The following SPTLC3 variants were observed in gnomAD, a reference collection of about 807,000 sequenced individuals.
SPTLC3 encodes serine palmitoyltransferase long chain base subunit 3.
SPTLC3 carries 36 observed loss-of-function variants against 59.3 expected under a neutral mutation model. The ratio of observed to expected loss-of-function variants is 0.61; its 90% CI spans 0.47 to 0.80. SPTLC3 has a LOEUF of 0.80. Ranked by LOEUF, SPTLC3 falls within the 30% of genes least tolerant of loss-of-function variation. The pLI, the probability that SPTLC3 is intolerant of heterozygous loss-of-function variation, is 0.00. For synonymous variants in SPTLC3, 257 were observed against 240.8 expected, an observed-to-expected ratio of 1.07 and a Z score of -0.62; for missense variants, 625 against 685.1, an observed-to-expected ratio of 0.91 and a Z score of 0.98.
chr20:13,165,052 A>G lies in SPTLC3; in HGVS notation c.*185A>G, dbSNP rs1232996528. 1 of 543,978 alleles carries G rather than the reference A, an allele frequency of 1.8e-6. No individual in the cohort carries two copies. The highest frequency in any genetic ancestry group is 1.9e-5 in the African/African-American group (1 of 52,728). 33.7% of individuals were successfully genotyped at this position (543,978 alleles called of 1,614,324 possible). A position where few individuals can be genotyped will look rare whatever the true frequency, so the allele number is the denominator to read the frequency against. ...CAGCTTGGACTGCAGAGACAAAAAC[A>G]TGATTCCAGATTTAAGTCTCTCTTC... is the stretch of plus-strand genomic sequence containing the variant. On this transcript the variant is annotated 3_prime_UTR_variant, in exon 12 of 12. Coordinates refer to ENST00000399002, the MANE Select transcript of SPTLC3 (RefSeq NM_018327.4).
chr20:13,012,929 C>T (rs113239597), intron 1 of SPTLC3, among the ~76,000 whole-genome samples: 14 of 152,204 alleles, frequency 9.2e-5, no homozygotes, highest in African/African-American at 3.1e-4. Context: ...GAGCTTATTC[C>T]TGAGGGGCAA....
At chr20:13,012,589 G>A (rs192103929) in intron 1 of SPTLC3, among the ~76,000 whole-genome samples, 2 of 152,290 alleles carry the variant, frequency 1.3e-5, no homozygotes, top group South Asian at 2.1e-4. Flanking sequence ...AGTTGGAGAA[G>A]AGCAAAAATA....
At chr20:13,022,606 C>CA (rs951569246) in intron 1 of SPTLC3, among the ~76,000 whole-genome samples, 2 of 152,012 alleles carry the variant, frequency 1.3e-5, no homozygotes, top group African/African-American at 4.8e-5. Flanking sequence ...CTGGGAAGGC[C>CA]AAAGGGTGAG....
intron 1 of SPTLC3, among the ~76,000 whole-genome samples, chr20:13,036,325 C>T (rs1233261806): frequency 6.6e-6 from 1 of 151,734 alleles, no homozygotes; most frequent in East Asian, 1.9e-4. Context: ...CTCTGCCACC[C>T]CTGAGATAGC....
chr20:13,128,871 ATTTTTTTTT>A (rs35981991), intron 9 of SPTLC3, among the ~76,000 whole-genome samples: 1 of 114,232 alleles, frequency 8.8e-6, no homozygotes, highest in African/African-American at 3.6e-5. Flanking sequence ...TGCCCAGCTA[ATTTTTTTTT>A]TTTTTTTTTT....
chr20:13,014,039 G>A (rs553252629), intron 1 of SPTLC3, among the ~76,000 whole-genome samples: 1 of 152,304 alleles, frequency 6.6e-6, no homozygotes, highest in African/African-American at 2.4e-5. Context: ...GAGTAGCCCA[G>A]GCTTTTTTAC....
rs111632912 is a variant in SPTLC3, at chr20:13,059,542, T to A, written c.303+10412T>A. Among the ~76,000 whole-genome samples, 62 of 152,266 alleles carry A rather than the reference T, an allele frequency of 4.1e-4. 2 individuals carry two copies. Among genetic ancestry groups the A allele is most frequent in the South Asian group, 3.3e-3 (16 of 4,830 alleles). On this transcript the variant is annotated intron_variant, in intron 2 of 11. Coordinates refer to ENST00000399002, the MANE Select transcript of SPTLC3 (RefSeq NM_018327.4). ...TTTCACATGCACAGCTATCCTACTA[T>A]CCCTTACAGGAAAGATGGTCTTAGC...
intron 9 of SPTLC3, among the ~76,000 whole-genome samples, chr20:13,130,163 C>T (rs976619161): frequency 6.6e-6 from 1 of 152,216 alleles, no homozygotes; most frequent in African/African-American, 2.4e-5. Flanking sequence ...GCCTCATTTG[C>T]AACAATGGCT....
chr20:13,120,884 T>G (rs1990868015), intron 8 of SPTLC3, among the ~76,000 whole-genome samples: 1 of 152,168 alleles, frequency 6.6e-6, no homozygotes, highest in Admixed American at 6.5e-5. Flanking sequence ...TTTGCTCACT[T>G]TGGGTTTGGA....
chr20:13,092,451 C>T (rs1419377904), intron 5 of SPTLC3, among the ~76,000 whole-genome samples: 1 of 152,106 alleles, frequency 6.6e-6, no homozygotes, highest in Non-Finnish European at 1.5e-5. Flanking sequence ...CAACATCAAA[C>T]GAATGATAAT....
At chr20:13,127,240 A>C (rs1039129781) in intron 9 of SPTLC3, among the ~76,000 whole-genome samples, 1 of 152,230 alleles carries the variant, frequency 6.6e-6, no homozygotes, top group African/African-American at 2.4e-5. Context: ...TACTTTGCTC[A>C]ACCCAAATTA....
At chr20:13,091,443 C>T (rs550247505) in intron 5 of SPTLC3, among the ~76,000 whole-genome samples, 26 of 151,892 alleles carry the variant, frequency 1.7e-4, no homozygotes, top group Non-Finnish European at 2.2e-4. Flanking sequence ...CATGGTGGCA[C>T]GCACCTGTAG....
At chr20:13,163,026 G>A (rs909828473) in intron 11 of SPTLC3, among the ~76,000 whole-genome samples, 5 of 152,010 alleles carry the variant, frequency 3.3e-5, no homozygotes, top group Admixed American at 6.6e-5. Flanking sequence ...AATATATTAC[G>A]TACATTATAT....
intron 4 of SPTLC3, among the ~76,000 whole-genome samples, chr20:13,074,906 T>A (rs769040682): frequency 1.3e-5 from 2 of 152,214 alleles, no homozygotes; most frequent in African/African-American, 2.4e-5. Flanking sequence ...ACTTGTGGAA[T>A]GTTGCACTGA....
rs1345932480 is a variant in SPTLC3, at chr20:13,164,363, T to A, written c.1546-391T>A. 4 of 472,676 alleles carry A rather than the reference T, an allele frequency of 8.5e-6. No homozygotes were observed. The Admixed American group carries it at 9.4e-5, about 11-fold the overall frequency. The allele number at this position is 472,676 out of a possible 1,614,324, so 29.3% of individuals were successfully genotyped here. A position where few individuals can be genotyped will look rare whatever the true frequency, so the allele number is the denominator to read the frequency against. The stretch of plus-strand genomic sequence containing the variant: ...CCTCTTTGTTCTTGGCCAGGTGATT[T>A]GCTGTGTCATGAAGATATAACTTCA... On this transcript the variant is annotated intron_variant, in intron 11 of 11. Coordinates refer to ENST00000399002, the MANE Select transcript of SPTLC3 (RefSeq NM_018327.4).
chr20:13,157,352 G>T (rs985869692), intron 10 of SPTLC3, among the ~76,000 whole-genome samples: 1 of 151,832 alleles, frequency 6.6e-6, no homozygotes, highest in Non-Finnish European at 1.5e-5. Flanking sequence ...CAGGATAATC[G>T]CTGGAACCCG....
intron 9 of SPTLC3, among the ~76,000 whole-genome samples, chr20:13,138,766 G>C (rs750469347): frequency 1.3e-5 from 2 of 152,134 alleles, no homozygotes; most frequent in African/African-American, 2.4e-5. Context: ...ATAAATGCAT[G>C]GTTTTATATA....
At chr20:13,089,491 T>C (rs935063145) in intron 4 of SPTLC3, among the ~76,000 whole-genome samples, 10 of 151,926 alleles carry the variant, frequency 6.6e-5, no homozygotes, top group Admixed American at 2.0e-4. Flanking sequence ...GTAATCACTA[T>C]AAAAAAATAT....
intron 1 of SPTLC3, among the ~76,000 whole-genome samples, chr20:13,027,152 T>C (rs1986189516): frequency 6.6e-6 from 1 of 152,182 alleles, no homozygotes. Context: ...GGGATAACCT[T>C]CCAAATAAAC....
Sources: gnomAD v4.1 joint callset for allele counts (sites outside exome capture counted in the v4.1 genomes callset) on GRCh38, gnomAD v4.1.1 for gene constraint, MANE v1.5 for transcripts, NCBI Gene and HGNC (gene_info 2026-07-23, HGNC 2026-07-21) for gene names.